BCL11A: variants seen among roughly 807,000 people sequenced by gnomAD.
BCL11A encodes the protein B cell CLL/lymphoma 11A.
A neutral mutation model predicts 55.9 loss-of-function variants in BCL11A; 2 were observed. That is an observed-to-expected ratio of 0.04 (90% CI 0.01 to 0.11). The LOEUF (loss-of-function observed/expected upper bound fraction) is 0.11, where lower values mean the gene tolerates loss of function less well. Among genes scored for constraint, BCL11A ranks in the 10% least tolerant of loss-of-function variants. The pLI is 1.00. For synonymous variants in BCL11A, 465 were observed against 473.4 expected (o/e 0.98, Z 0.23); for missense variants, 817 against 1,137.1 (o/e 0.72, Z 4.05).
intron 2 of BCL11A, among the ~76,000 whole-genome samples, chr2:60,481,395 C>A (rs543017403): frequency 6.6e-6 from 1 of 152,202 alleles, no homozygotes; most frequent in East Asian, 1.9e-4. Flanking sequence ...CCACGACCTA[C>A]ACCAGGCCCT....
chr2:60,550,137 C>A (rs1670337738), intron 1 of BCL11A, among the ~76,000 whole-genome samples: 1 of 152,026 alleles, frequency 6.6e-6, no homozygotes, highest in Admixed American at 6.5e-5. Context: ...TGCCATATCC[C>A]CCTCTTCGGC....
At chr2:60,508,109 TC>T (rs1330472903) in intron 2 of BCL11A, among the ~76,000 whole-genome samples, 1 of 152,208 alleles carries the variant, frequency 6.6e-6, no homozygotes, top group African/African-American at 2.4e-5. Flanking sequence ...TACTGCCCTT[TC>T]TTTCACAAAC....
chr2:60,458,494 A>C lies in BCL11A; in HGVS notation c.*1910T>G. The C allele has an allele frequency of 9.7e-7, 1 of 1,033,038 alleles. No individual in the cohort carries two copies. Among genetic ancestry groups the C allele is most frequent in the Non-Finnish European group, 1.2e-6 (1 of 858,138 alleles). 64.0% of individuals were successfully genotyped at this position (1,033,038 alleles called of 1,614,324 possible). ...AAAAAATCCTTGCACTGTAGAAGCGAAAGCAATCATTCATTTCTATGTTAA... is the reference window on the plus strand; with the variant it reads ...AAAAAATCCTTGCACTGTAGAAGCGCAAGCAATCATTCATTTCTATGTTAA... On this transcript the variant is annotated 3_prime_UTR_variant, in exon 4 of 4. Coordinates refer to ENST00000642384, the MANE Select transcript of BCL11A (RefSeq NM_022893.4).
intron 3 of BCL11A, 121 bp downstream of exon 3, chr2:60,468,611 A>G: frequency 1.4e-6 from 1 of 705,416 alleles, no homozygotes; most frequent in Non-Finnish European, 2.4e-6. Flanking sequence ...GTAATGGAAT[A>G]ATACATATGA....
chr2:60,486,331 G>A (rs898121177), intron 2 of BCL11A, among the ~76,000 whole-genome samples: 18 of 152,166 alleles, frequency 1.2e-4, no homozygotes, highest in Admixed American at 1.1e-3. Context: ...CTCCAATTTG[G>A]CAACTTTGCC....
At chr2:60,508,330 T>C (rs565893645) in intron 2 of BCL11A, among the ~76,000 whole-genome samples, 1 of 152,138 alleles carries the variant, frequency 6.6e-6, no homozygotes, top group Non-Finnish European at 1.5e-5. Flanking sequence ...AGAAGCTTCC[T>C]GGGTGTGCAG....
intron 3 of BCL11A, among the ~76,000 whole-genome samples, chr2:60,466,029 C>G (rs1413171676): frequency 2.0e-5 from 3 of 152,166 alleles, no homozygotes; most frequent in African/African-American, 7.2e-5. Context: ...GAATGGGCAT[C>G]AGGTTTGTTC....
intron 2 of BCL11A, among the ~76,000 whole-genome samples, chr2:60,471,262 A>C (rs12477097): frequency 0.3 from 46,254 of 152,156 alleles, 8,120 homozygotes; most frequent in East Asian, 0.77. Context: ...TAGACAGCTA[A>C]AAACATTTCT....
chr2:60,452,638 A>G, downstream of BCL11A: 3 of 1,614,064 alleles, frequency 1.9e-6, no homozygotes, highest in Non-Finnish European at 2.5e-6. Flanking sequence ...CTCTCTGGGT[A>G]CTACGCCGAA....
At chr2:60,540,224 G>A (rs573592150) in intron 2 of BCL11A, among the ~76,000 whole-genome samples, 2 of 152,222 alleles carry the variant, frequency 1.3e-5, no homozygotes, top group East Asian at 1.9e-4. Flanking sequence ...AAAGATGCTT[G>A]GTGATTAAAT....
intron 2 of BCL11A, among the ~76,000 whole-genome samples, chr2:60,514,973 G>A (rs911018938): frequency 3.3e-5 from 5 of 151,852 alleles, no homozygotes; most frequent in Non-Finnish European, 4.4e-5. Context: ...GCAGGCCCCA[G>A]TCCCTTCCGA....
intron 2 of BCL11A, among the ~76,000 whole-genome samples, chr2:60,521,298 C>A (rs754505090): frequency 6.6e-6 from 1 of 152,230 alleles, no homozygotes; most frequent in Non-Finnish European, 1.5e-5. Context: ...GTGACACTTG[C>A]TAATAATAGC....
intron 2 of BCL11A, among the ~76,000 whole-genome samples, chr2:60,472,076 T>C (rs1343145718): frequency 4.6e-5 from 7 of 152,020 alleles, no homozygotes; most frequent in Non-Finnish European, 8.8e-5. Flanking sequence ...ACTGGAACAG[T>C]CAAAAACAAA....
downstream of BCL11A, among the ~76,000 whole-genome samples, chr2:60,455,563 T>C (rs1675903433): frequency 6.6e-6 from 1 of 152,222 alleles, no homozygotes; most frequent in South Asian, 2.1e-4. Context: ...TAATCTGTGA[T>C]TTATCACCAG....
chr2:60,466,640 G>A (rs1676633975), intron 3 of BCL11A, among the ~76,000 whole-genome samples: 1 of 152,160 alleles, frequency 6.6e-6, no homozygotes, highest in Non-Finnish European at 1.5e-5. Flanking sequence ...TGGTCTCAGG[G>A]TGCATGCCCT....
downstream of BCL11A, among the ~76,000 whole-genome samples, chr2:60,455,139 C>G (rs1675883653): frequency 6.6e-6 from 1 of 152,070 alleles, no homozygotes; most frequent in South Asian, 2.1e-4. Flanking sequence ...TTGCGGTATT[C>G]CTGTTTATTA....
intron 2 of BCL11A, among the ~76,000 whole-genome samples, chr2:60,530,684 A>C (rs1160836854): frequency 6.6e-6 from 1 of 151,570 alleles, no homozygotes; most frequent in Non-Finnish European, 1.5e-5. Flanking sequence ...TTAAAAAAGA[A>C]AGAAAGAAAA....
intron 2 of BCL11A, among the ~76,000 whole-genome samples, chr2:60,504,801 A>C (rs547912544): frequency 2.8e-4 from 42 of 152,334 alleles, no homozygotes; most frequent in African/African-American, 8.4e-4. Flanking sequence ...TCTGTCCCTG[A>C]AAATGCTTAA....
chr2:60,523,665 C>A (rs1386282518), intron 2 of BCL11A, among the ~76,000 whole-genome samples: 1 of 142,106 alleles, frequency 7.0e-6, no homozygotes, highest in Admixed American at 7.0e-5. Context: ...TTTTTTTTTT[C>A]AAAAAGAGTT....
Sources: gnomAD v4.1 joint callset for allele counts (sites outside exome capture counted in the v4.1 genomes callset) on GRCh38, gnomAD v4.1.1 for gene constraint, MANE v1.5 for transcripts, NCBI Gene and HGNC (gene_info 2026-07-23, HGNC 2026-07-21) for gene names.